The following ALB variants were observed in gnomAD, a reference collection of about 807,000 sequenced individuals.
The protein encoded by ALB is albumin, also known as serum albumin.
Under a neutral mutation model 74.5 loss-of-function variants are expected in ALB, and 37 were observed. The observed-to-expected ratio is 0.50, with a 90% CI of 0.38 to 0.65. The LOEUF is 0.65. ALB is among the 30% of genes least tolerant of loss of function. The pLI is 0.00. For synonymous variants in ALB, 249 were observed against 251.6 expected, an observed-to-expected ratio of 0.99 and a Z score of 0.10; for missense variants, 685 against 718.7, an observed-to-expected ratio of 0.95 and a Z score of 0.54.
chr4:73,420,430 A>G (rs1719115558), intron 14 of ALB, 109 bp downstream of exon 14: 1 of 676,198 alleles, frequency 1.5e-6, no homozygotes, highest in Non-Finnish European at 2.5e-6. Context: ...CCACTATTCT[A>G]AACTATTTAT....
At chr4:73,407,930 A>C (rs761772168) in intron 3 of ALB, among the ~76,000 whole-genome samples, 1 of 152,154 alleles carries the variant, frequency 6.6e-6, no homozygotes, top group Non-Finnish European at 1.5e-5. Flanking sequence ...TTAACTTTAC[A>C]CAATACTATG....
intron 3 of ALB, among the ~76,000 whole-genome samples, chr4:73,407,008 C>T (rs1718747009): frequency 1.3e-5 from 2 of 152,158 alleles, no homozygotes; most frequent in South Asian, 4.1e-4. Context: ...ATTTAAATGG[C>T]AATTTGTCAT....
intron 1 of ALB, 24 bp from the exon 2 acceptor site, chr4:73,405,091 TC>T: frequency 1.2e-6 from 2 of 1,606,288 alleles, no homozygotes; most frequent in Non-Finnish European, 1.7e-6. Context: ...TATTTAACAA[TC>T]CTTTTTTTTC....
intron 5 of ALB, 41 bp downstream of exon 5, chr4:73,409,528 A>T (rs1355740661): frequency 1.2e-6 from 2 of 1,613,030 alleles, no homozygotes; most frequent in South Asian, 1.1e-5. Flanking sequence ...TCATTATCCA[A>T]CCTGATTTTG....
At chr4:73,415,626 G>A (rs1718995013) in intron 9 of ALB, among the ~76,000 whole-genome samples, 1 of 152,046 alleles carries the variant, frequency 6.6e-6, no homozygotes, top group Non-Finnish European at 1.5e-5. Flanking sequence ...AGTTAGGAGA[G>A]GAAATCTGTT....
In ALB at chr4:73,412,108, G is replaced by C; in HGVS notation, c.826G>C (p.Glu276Gln). Residue 276 changes from glutamate (E) to glutamine (Q), a missense_variant, in exon 7 of 15, where the codon GAA becomes CAA. Transcript: ENST00000295897. ...HTECCHGDLL[E>Q]CADDRADLAK... ...GGAATGCTGCCATGGAGATCTGCTT[G>C]AATGTGCTGATGACAGGGTAAAGAG... 1 of 1,614,106 alleles carries C rather than the reference G, an allele frequency of 6.2e-7. No individual in the cohort carries two copies. Among genetic ancestry groups the C allele is most frequent in the East Asian group, 2.2e-5 (1 of 44,858 alleles).
At chr4:73,408,906 T>A in intron 4 of ALB, 101 bp downstream of exon 4, 1 of 1,069,608 alleles carries the variant, frequency 9.3e-7, no homozygotes, top group Non-Finnish European at 1.3e-6. Context: ...TTTTCAACAT[T>A]AAGACTTGGA....
intron 14 of ALB, 95 bp downstream of exon 14, chr4:73,420,416 C>T (rs1719115206): frequency 1.3e-6 from 1 of 773,272 alleles, no homozygotes; most frequent in Non-Finnish European, 2.1e-6. Flanking sequence ...TAGACCAGCA[C>T]CGACCACTAT....
intron 13 of ALB, 81 bp from the exon 14 acceptor site, chr4:73,420,173 C>T (rs1719109380): frequency 4.8e-6 from 6 of 1,261,352 alleles, no homozygotes; most frequent in African/African-American, 4.4e-5. Context: ...TTGCAATCAT[C>T]AATAGCTTCA....
chr4:73,411,158 G>A (rs1415783211), intron 6 of ALB, among the ~76,000 whole-genome samples: 1 of 152,036 alleles, frequency 6.6e-6, no homozygotes, highest in Non-Finnish European at 1.5e-5. Context: ...TAGACATTAT[G>A]CATGCTCTCT....
intron 5 of ALB, 65 bp from the exon 6 acceptor site, chr4:73,410,247 C>A: frequency 7.9e-7 from 1 of 1,262,600 alleles, no homozygotes; most frequent in Non-Finnish European, 1.2e-6. Context: ...CTCATCTGAG[C>A]TTATGGAGGG....
chr4:73,404,355 CT>C lies in ALB; in HGVS notation c.33del (p.Leu12SerfsTer37). The C allele has an allele frequency of 6.2e-7, 1 of 1,613,784 alleles. No individual in the cohort carries two copies. Among genetic ancestry groups the C allele is most frequent in the African/African-American group, 1.3e-5 (1 of 75,018 alleles). ...GAAGTGGGTAACCTTTATTTCCCTT[CT>C]TTTTCTCTTTAGCTCGGCTTATTCC... MKWVTFISL[L>X]FLFSSAYSRG... On this transcript the variant is annotated frameshift_variant, in exon 1 of 15. Coordinates refer to ENST00000295897, the MANE Select transcript of ALB (RefSeq NM_000477.7). LOFTEE classifies it high-confidence loss of function.
chr4:73,418,103 A>C lies in ALB; in HGVS notation c.1444A>C (p.Asn482His). 6 of 1,614,122 alleles carry C rather than the reference A, an allele frequency of 3.7e-6. No homozygotes were observed. The highest frequency in any genetic ancestry group is 1.3e-5 in the African/African-American group (1 of 75,046). Residue 482 changes from asparagine (N) to histidine (H), a missense_variant, in exon 12 of 15, where the codon AAC becomes CAC. Transcript: ENST00000295897. ...TGTTCTTTAGCTATCCGTGGTCCTG[A>C]ACCAGTTATGTGTGTTGCATGAGAA... ...CAEDYLSVVL[N>H]QLCVLHEKTP...
At chr4:73,407,218 T>A (rs1428999317) in intron 3 of ALB, among the ~76,000 whole-genome samples, 1 of 152,176 alleles carries the variant, frequency 6.6e-6, no homozygotes, top group Non-Finnish European at 1.5e-5. Flanking sequence ...AGCTTACTCA[T>A]CTTGCTGTAT....
At position 73,420,286 on chromosome 4, in the gene ALB, C is replaced by T. The variant is rs1488892622; in HGVS notation, c.1818C>T (p.Ala606=). The T allele has an allele frequency of 2.5e-6, 4 of 1,612,668 alleles. No individual in the cohort carries two copies. In the Admixed American group the frequency reaches 6.7e-5, roughly 27 times the overall value. The part of the protein sequence containing the change: ...GKKLVAASQA[A]LGL ...AACTTGTTGCTGCAAGTCAAGCTGC[C>T]TTAGGCTTATAACATCACATTTAAA... is the stretch of plus-strand genomic sequence containing the variant. The change falls in exon 14 of 15, where the codon GCC becomes GCT. Residue 606 remains alanine, a synonymous_variant. Coordinates refer to ENST00000295897, the MANE Select transcript of ALB (RefSeq NM_000477.7).
At position 73,419,623 on chromosome 4, in the gene ALB, C is replaced by G. The variant is rs1292482317; in HGVS notation, c.1769C>G (p.Thr590Ser). 1.9e-6 allele frequency: 3 copies of G among 1,613,852 alleles called. No individual in the cohort carries two copies. The highest frequency in any genetic ancestry group is 2.5e-6 in the Non-Finnish European group (3 of 1,179,946). ...EKCCKADDKE[T>S]CFAEEGKKLV... ...TGCTGCAAGGCTGACGATAAGGAGA[C>G]CTGCTTTGCCGAGGAGGTACTACAG... Residue 590 changes from threonine (T) to serine (S), a missense_variant, in exon 13 of 15, where the codon ACC becomes AGC. Coordinates refer to ENST00000295897, the MANE Select transcript of ALB (RefSeq NM_000477.7).
Position 73,417,638 on chromosome 4 carries a change from A to T in ALB, c.1397A>T (p.Glu466Val), listed in dbSNP as rs892076938. 6 of 1,613,850 alleles carry T rather than the reference A, an allele frequency of 3.7e-6. No individual in the cohort carries two copies. The African/African-American group carries it at 8.0e-5, about 22-fold the overall frequency. ...GGCAGCAAATGTTGTAAACATCCTGAAGCAAAAAGAATGCCCTGTGCAGAA... is the reference window on the plus strand; with the variant it reads ...GGCAGCAAATGTTGTAAACATCCTGTAGCAAAAAGAATGCCCTGTGCAGAA... ...KVGSKCCKHP[E>V]AKRMPCAEDY... Residue 466 changes from glutamate to valine, a missense_variant, in exon 11 of 15, where the codon GAA (glutamate) becomes GTA (valine). Glu to Val is a moderately radical substitution (Grantham distance 121). Transcript: ENST00000295897.
chr4:73,412,455 C>A (rs1176155546), intron 7 of ALB, among the ~76,000 whole-genome samples: 2 of 151,100 alleles, frequency 1.3e-5, no homozygotes, highest in Non-Finnish European at 3.0e-5. Context: ...ATTTTTTTTT[C>A]TTTTTTTAAG....
Position 73,406,727 on chromosome 4 carries a change from CTGA to C in ALB, c.240_242del (p.Asp80del), listed in dbSNP as rs1449563577. 6.2e-7 allele frequency: 1 copy of C among 1,613,838 alleles called. No individual in the cohort carries two copies. The highest frequency in any genetic ancestry group is 2.2e-5 in the East Asian group (1 of 44,812). ...ACTGAATTTGCAAAAACATGTGTTG[CTGA>C]TGAGTCAGCTGAAAATTGTGACAAA... On this transcript the variant is annotated inframe_deletion, in exon 3 of 15. Coordinates refer to ENST00000295897, the MANE Select transcript of ALB (RefSeq NM_000477.7).
Sources: allele counts gnomAD v4.1 joint callset (sites outside exome capture counted in the v4.1 genomes callset), GRCh38; gene constraint gnomAD v4.1.1; transcripts MANE v1.5; gene names NCBI Gene and HGNC (gene_info 2026-07-23, HGNC 2026-07-21).